Variants in PPARA observed in about 807,000 individuals in gnomAD.
PPARA encodes the protein peroxisome proliferator activated receptor alpha.
Under a neutral mutation model 42.2 loss-of-function variants are expected in PPARA, and 22 were observed. That is an observed-to-expected ratio of 0.52 (90% CI 0.37 to 0.74). The LOEUF is 0.74. Among genes scored for constraint, PPARA ranks in the 30% least tolerant of loss-of-function variants. The pLI is 0.00. For missense variants in PPARA, 465 were observed against 608.2 expected (o/e 0.76, Z 2.48); for synonymous variants, 242 against 239.3 (o/e 1.01, Z -0.10).
Position 46,221,028 on chromosome 22 carries a change from T to A in PPARA, c.711+1014T>A, listed in dbSNP as rs942804550. Among the ~76,000 whole-genome samples, 4 of 149,578 alleles carry A rather than the reference T, an allele frequency of 2.7e-5. No homozygotes were observed. The highest frequency in any genetic ancestry group is 7.6e-5 in the African/African-American group (3 of 39,446). On this transcript the variant is annotated intron_variant, in intron 7 of 8. Coordinates refer to ENST00000407236, the MANE Select transcript of PPARA (RefSeq NM_005036.6). This position sits in a 1 kb window ranked among gnomAD's most constrained non-coding sequence, Gnocchi z 5.9. ...GAAATCCCTGAGACCTGGTAATTTA[T>A]AAAGAAAAGAGGTTTAATTGGCTCG...
At chr22:46,220,255 T>A in intron 7 of PPARA, 1 of 553,076 alleles carries the variant, frequency 1.8e-6, no homozygotes, top group Non-Finnish European at 3.2e-6. Flanking sequence ...ACTGGCTATG[T>A]AATTAATACA....
chr22:46,228,431 G>C (rs1490815508), intron 7 of PPARA, among the ~76,000 whole-genome samples: 16 of 152,180 alleles, frequency 1.1e-4, no homozygotes. Flanking sequence ...AGCTACTCAG[G>C]AGGCTGAGGC....
chr22:46,176,962 G>T (rs1397127483), intron 3 of PPARA, 126 bp downstream of exon 3: 2 of 152,306 alleles, frequency 1.3e-5, no homozygotes, highest in Admixed American at 1.3e-4. Context: ...TGTAATCCCA[G>T]GACTTTGGGG....
Position 46,203,532 on chromosome 22 carries a change from G to C in PPARA, c.208+4941G>C, listed in dbSNP as rs1400155597. On this transcript the variant is annotated intron_variant, in intron 4 of 8. Transcript: ENST00000407236. The surrounding 1 kb of genome is among the most constrained non-coding windows in gnomAD (Gnocchi z 5.8). ...CTCAAAATAGTGATGTAGAAATTTT[G>C]CTCCTTAGTTCGACTAAATCTGGGT... Among the ~76,000 whole-genome samples the C allele has an allele frequency of 6.6e-6, 1 of 152,162 alleles. No individual in the cohort carries two copies. The highest frequency in any genetic ancestry group is 1.5e-5 in the Non-Finnish European group (1 of 68,032).
At chr22:46,166,268 A>C (rs1245591105) in intron 2 of PPARA, among the ~76,000 whole-genome samples, 1 of 152,180 alleles carries the variant, frequency 6.6e-6, no homozygotes, top group Non-Finnish European at 1.5e-5. Context: ...TGCAAAGCAT[A>C]TGGTTTTGTC....
rs1601673715 is a variant in PPARA, at chr22:46,182,924, T to C, written c.-43+6088T>C. Among the ~76,000 whole-genome samples, 1 of 152,120 alleles carries C rather than the reference T, an allele frequency of 6.6e-6. No individual in the cohort carries two copies. Among genetic ancestry groups the C allele is most frequent in the Non-Finnish European group, 1.5e-5 (1 of 68,008 alleles). ...CATGCCCAGCTAATTTTTCTATTTT[T>C]AGTAAAGACAGGGTTTCGCCATGAT... On this transcript the variant is annotated intron_variant, in intron 3 of 8. Coordinates refer to ENST00000407236, the MANE Select transcript of PPARA (RefSeq NM_005036.6). This position sits in a 1 kb window ranked among gnomAD's most constrained non-coding sequence, Gnocchi z 5.2.
chr22:46,189,166 G>T (rs1279849416), intron 3 of PPARA, among the ~76,000 whole-genome samples: 4 of 152,232 alleles, frequency 2.6e-5, no homozygotes, highest in East Asian at 1.9e-4. Flanking sequence ...GACACAAAAT[G>T]TGTCCAAACT....
intron 4 of PPARA, among the ~76,000 whole-genome samples, chr22:46,201,682 G>T (rs896957842): frequency 6.6e-6 from 1 of 152,086 alleles, no homozygotes; most frequent in African/African-American, 2.4e-5. Flanking sequence ...TTGTGAGGTC[G>T]TTGTTATGTT....
intron 3 of PPARA, among the ~76,000 whole-genome samples, chr22:46,179,357 T>C (rs1431334840): frequency 6.6e-6 from 1 of 152,126 alleles, no homozygotes; most frequent in African/African-American, 2.4e-5. Flanking sequence ...AAAAACCATG[T>C]GATCATCTTA....
chr22:46,175,818 CA>C (rs990732774), intron 2 of PPARA, among the ~76,000 whole-genome samples: 24 of 152,152 alleles, frequency 1.6e-4, no homozygotes, highest in Middle Eastern at 3.4e-3. Flanking sequence ...GGTGCATCAA[CA>C]GTTTATTCCT....
At position 46,240,829 on chromosome 22, in the gene PPARA, T is replaced by C. The variant is rs1936352338; in HGVS notation, c.*5449T>C. The C allele has an allele frequency of 6.6e-6, 1 of 152,218 alleles. No individual in the cohort carries two copies. The highest frequency in any genetic ancestry group is 6.5e-5 in the Admixed American group (1 of 15,288). The allele number at this position is 152,218 out of a possible 1,614,324, so 9.4% of individuals were successfully genotyped here. A position where few individuals can be genotyped will look rare whatever the true frequency, so the allele number is the denominator to read the frequency against. On this transcript the variant is annotated 3_prime_UTR_variant, in exon 9 of 9. Coordinates refer to ENST00000407236, the MANE Select transcript of PPARA (RefSeq NM_005036.6). The surrounding 1 kb of genome is among the most constrained non-coding windows in gnomAD (Gnocchi z 6.0). ...CTGGAATTTCTTACCAACCAAATAT[T>C]TGCATCGAGCAAAGGGGGCTGTGTG...
In PPARA at chr22:46,243,442, G is replaced by A. The variant is rs1936429800; in HGVS notation, c.*8062G>A. ...CTTCATACCTCTCTCCTGGTGGGGG[G>A]AGCGGGCATCCAGGACCTCCGGAAT... On this transcript the variant is annotated 3_prime_UTR_variant, in exon 9 of 9. Transcript: ENST00000407236. The surrounding 1 kb of genome is among the most constrained non-coding windows in gnomAD (Gnocchi z 5.0). 6.6e-6 allele frequency: 1 copy of A among 152,162 alleles called. No homozygotes were observed. The highest frequency in any genetic ancestry group is 1.5e-5 in the Non-Finnish European group (1 of 68,046). 9.4% of individuals were successfully genotyped at this position (152,162 alleles called of 1,614,324 possible).
Position 46,198,444 on chromosome 22 carries a change from A to G in PPARA, c.61A>G (p.Ser21Gly), listed in dbSNP as rs772921183. ...CCCACTCGAGGCCGGCGATCTAGAG[A>G]GCCCGTTATCTGAAGAGTTCCTGCA... ...LSPLEAGDLESPLSEEFLQEM... is the reference protein window; with the variant it reads ...LSPLEAGDLEGPLSEEFLQEM... The change falls in exon 4 of 9, where the codon AGC (serine) becomes GGC (glycine). Residue 21 changes from serine (S) to glycine (G), a missense_variant. Ser to Gly is a moderately conservative substitution (Grantham distance 56, BLOSUM62 0). Coordinates refer to ENST00000407236, the MANE Select transcript of PPARA (RefSeq NM_005036.6). The G allele has an allele frequency of 1.9e-6, 3 of 1,613,786 alleles. No homozygotes were observed. The Admixed American group carries it at 5.0e-5, about 27-fold the overall frequency.
chr22:46,183,490 C>T lies in PPARA; in HGVS notation c.-43+6654C>T, dbSNP rs1930247422. Among the ~76,000 whole-genome samples, 1 of 152,166 alleles carries T rather than the reference C, an allele frequency of 6.6e-6. No individual in the cohort carries two copies. Among genetic ancestry groups the T allele is most frequent in the Non-Finnish European group, 1.5e-5 (1 of 68,030 alleles). ...GGCTCAATGGCTCACGCCAGTAGTCCCAGCACTTTGCGGGGCCCAGGAGGG... is the reference window on the plus strand; with the variant it reads ...GGCTCAATGGCTCACGCCAGTAGTCTCAGCACTTTGCGGGGCCCAGGAGGG... On this transcript the variant is annotated intron_variant, in intron 3 of 8. Transcript: ENST00000407236. This position sits in a 1 kb window ranked among gnomAD's most constrained non-coding sequence, Gnocchi z 5.5.
Position 46,180,607 on chromosome 22 carries a change from C to G in PPARA, c.-43+3771C>G, listed in dbSNP as rs1215908535. Among the ~76,000 whole-genome samples the G allele has an allele frequency of 1.3e-5, 2 of 151,636 alleles. No individual in the cohort carries two copies. The highest frequency in any genetic ancestry group is 2.9e-5 in the Non-Finnish European group (2 of 68,032). On this transcript the variant is annotated intron_variant, in intron 3 of 8. Transcript: ENST00000407236. This position sits in a 1 kb window ranked among gnomAD's most constrained non-coding sequence, Gnocchi z 4.2. Reference sequence around the variant, plus strand: ...AAGAATATCACAAGATGATAACGGCCTTTATTCTCACTTCTGTATGCCTGC... The same window carrying G: ...AAGAATATCACAAGATGATAACGGCGTTTATTCTCACTTCTGTATGCCTGC...
At chr22:46,198,227 G>C in intron 3 of PPARA, 115 bp from the exon 4 acceptor site, 1 of 259,900 alleles carries the variant, frequency 3.8e-6, no homozygotes. Flanking sequence ...AACAGACTGA[G>C]ACTCTGTCTC....
At chr22:46,185,759 G>T (rs1161667008) in intron 3 of PPARA, among the ~76,000 whole-genome samples, 1 of 149,506 alleles carries the variant, frequency 6.7e-6, no homozygotes, top group East Asian at 2.0e-4. Flanking sequence ...GCCAGGTATG[G>T]TGGCAGCCGC....
intron 7 of PPARA, among the ~76,000 whole-genome samples, chr22:46,229,056 A>G (rs1935680308): frequency 6.6e-6 from 1 of 151,026 alleles, no homozygotes; most frequent in South Asian, 2.1e-4. Context: ...GCTGTGAGCC[A>G]AGATCACGCC....
Position 46,203,715 on chromosome 22 carries a change from C to T in PPARA, c.208+5124C>T, listed in dbSNP as rs954727516. On this transcript the variant is annotated intron_variant, in intron 4 of 8. Transcript: ENST00000407236. This position sits in a 1 kb window ranked among gnomAD's most constrained non-coding sequence, Gnocchi z 5.8. ...TCACAGACTGATTAGCAGGCCACCA[C>T]ACATGAGCTGGAGGCCAGGCTCCTC... is the stretch of plus-strand genomic sequence containing the variant. Among the ~76,000 whole-genome samples, 1 of 152,236 alleles carries T rather than the reference C, an allele frequency of 6.6e-6. No homozygotes were observed. The highest frequency in any genetic ancestry group is 2.4e-5 in the African/African-American group (1 of 41,470).
Sources: gnomAD v4.1 joint callset for allele counts (sites outside exome capture counted in the v4.1 genomes callset) on GRCh38, gnomAD v4.1.1 for gene constraint, Gnocchi (gnomAD v3.1) non-coding constraint, MANE v1.5 for transcripts, NCBI Gene and HGNC (gene_info 2026-07-23, HGNC 2026-07-21) for gene names.